EXOC4: variants seen among roughly 807,000 people sequenced by gnomAD.
EXOC4 encodes exocyst complex component 4.
EXOC4 carries 71 observed loss-of-function variants against 107.2 expected under a neutral mutation model. The ratio of observed to expected loss-of-function variants is 0.66; its 90% CI spans 0.55 to 0.81. The LOEUF is 0.81. Among genes scored for constraint, EXOC4 ranks in the 30% least tolerant of loss-of-function variants. EXOC4 has a pLI of 0.00. For synonymous variants in EXOC4, 456 were observed against 441.2 expected (o/e 1.03, Z -0.42); for missense variants, 1,108 against 1,189.6 (o/e 0.93, Z 1.01).
chr7:133,460,407 A>G (rs944490693), intron 7 of EXOC4, among the ~76,000 whole-genome samples: 1 of 152,146 alleles, frequency 6.6e-6, no homozygotes, highest in Non-Finnish European at 1.5e-5. Context: ...GAATTTTCAT[A>G]TTTACTGTAA....
intron 4 of EXOC4, among the ~76,000 whole-genome samples, chr7:133,306,875 CCTGGGTAGT>C (rs1563011369): frequency 6.6e-6 from 1 of 152,030 alleles, no homozygotes; most frequent in African/African-American, 2.4e-5. Context: ...TATTTAATGG[CCTGGGTAGT>C]CTCAAGAAAT....
intron 10 of EXOC4, among the ~76,000 whole-genome samples, chr7:133,666,222 G>A (rs1231341222): frequency 6.6e-6 from 1 of 152,166 alleles, no homozygotes; most frequent in Non-Finnish European, 1.5e-5. Context: ...ATCCTTTAAT[G>A]TCATAGCTGT....
At position 133,817,743 on chromosome 7, in the gene EXOC4, T is replaced by TAA. The variant is rs575813731; in HGVS notation, c.1734+209_1734+210dup. Among the ~76,000 whole-genome samples the TAA allele has an allele frequency of 1.6e-4, 23 of 146,358 alleles. 1 individual carries two copies. Among genetic ancestry groups the TAA allele is most frequent in the Admixed American group, 1.1e-3 (16 of 14,670 alleles). ...GTTCCTTAAGATCTTTAAGGAAAAT[T>TAA]AAAAAAAAAAACGGTTAGCTTTGGA... is the stretch of plus-strand genomic sequence containing the variant. On this transcript the variant is annotated intron_variant, in intron 11 of 17. Coordinates refer to ENST00000253861, the MANE Select transcript of EXOC4 (RefSeq NM_021807.4).
intron 9 of EXOC4, among the ~76,000 whole-genome samples, chr7:133,574,901 C>A (rs939187694): frequency 6.6e-6 from 1 of 152,176 alleles, no homozygotes; most frequent in Non-Finnish European, 1.5e-5. Context: ...AAACCTGTTA[C>A]AAACAAATTT....
At chr7:133,833,688 A>T (rs1450554869) in intron 11 of EXOC4, among the ~76,000 whole-genome samples, 1 of 152,180 alleles carries the variant, frequency 6.6e-6, no homozygotes, top group Non-Finnish European at 1.5e-5. Context: ...TCAGCCTCCC[A>T]GGTAGCTGGG....
intron 13 of EXOC4, among the ~76,000 whole-genome samples, chr7:133,935,452 T>C (rs891770329): frequency 3.9e-5 from 6 of 152,194 alleles, no homozygotes; most frequent in Non-Finnish European, 8.8e-5. Flanking sequence ...CATGGGATAA[T>C]GGATACTGGG....
At chr7:133,883,990 A>G (rs1283797792) in intron 11 of EXOC4, among the ~76,000 whole-genome samples, 3 of 152,362 alleles carry the variant, frequency 2.0e-5, no homozygotes, top group Admixed American at 6.5e-5. Context: ...ACAGCCAGCT[A>G]CAGCTTAGAG....
intron 12 of EXOC4, among the ~76,000 whole-genome samples, chr7:133,906,703 G>C (rs1799574056): frequency 6.6e-6 from 1 of 152,180 alleles, no homozygotes; most frequent in East Asian, 1.9e-4. Context: ...ACCGCTGTTT[G>C]CTGCCATCGC....
In EXOC4 at chr7:133,271,402, A is replaced by G. The variant is rs185793813; in HGVS notation, c.87-3580A>G. Among the ~76,000 whole-genome samples, 68 of 152,256 alleles carry G rather than the reference A, an allele frequency of 4.5e-4. 1 individual carries two copies. Among genetic ancestry groups the G allele is most frequent in the African/African-American group, 1.4e-3 (59 of 41,552 alleles). ...TGCATTCAATCCTTGAAGGAACCCA[A>G]TGACTTAGATTTTATTATTGTTGGG... On this transcript the variant is annotated intron_variant, in intron 1 of 17. Transcript: ENST00000253861.
intron 13 of EXOC4, among the ~76,000 whole-genome samples, chr7:133,937,125 G>A (rs1800321971): frequency 6.6e-6 from 1 of 152,100 alleles, no homozygotes; most frequent in South Asian, 2.1e-4. Context: ...TGAGCTATAT[G>A]ATCTCAGGTC....
At chr7:134,091,586 C>T in the EXOC4 span, among the ~76,000 whole-genome samples, 16 of 152,182 alleles carry the variant, frequency 1.1e-4, no homozygotes, top group Admixed American at 3.3e-4. Flanking sequence ...CCTCATTTTA[C>T]GCAGCCCTTA....
At chr7:133,467,050 A>G (rs1256331321) in intron 7 of EXOC4, among the ~76,000 whole-genome samples, 5 of 152,146 alleles carry the variant, frequency 3.3e-5, no homozygotes, top group Admixed American at 6.5e-5. Flanking sequence ...AATACCATCA[A>G]TCTTAACCTA....
chr7:133,699,816 C>G (rs1037781676), intron 10 of EXOC4, among the ~76,000 whole-genome samples: 9 of 152,166 alleles, frequency 5.9e-5, no homozygotes. Flanking sequence ...ATTGAACATT[C>G]ACTAAATGTT....
chr7:133,720,998 G>T (rs1236212870), intron 10 of EXOC4, among the ~76,000 whole-genome samples: 1 of 152,104 alleles, frequency 6.6e-6, no homozygotes, highest in Non-Finnish European at 1.5e-5. Context: ...TGGTAATTTT[G>T]CTCTATTCCT....
At chr7:133,436,904 A>G (rs1304186315) in intron 7 of EXOC4, among the ~76,000 whole-genome samples, 1 of 152,176 alleles carries the variant, frequency 6.6e-6, no homozygotes, top group Non-Finnish European at 1.5e-5. Flanking sequence ...TCCTGGAGGC[A>G]TATAATTTTA....
rs371978229 is a variant in EXOC4 at position 133,380,536 on chromosome 7, A to G, written c.1182+5534A>G. On this transcript the variant is annotated intron_variant, in intron 7 of 17. Transcript: ENST00000253861. ...CTCATATCCCACTCCCTTTACCTCT[A>G]GGCCTAGCCTGTTAGGTACTGATCT... Among the ~76,000 whole-genome samples, 10 of 152,274 alleles carry G rather than the reference A, an allele frequency of 6.6e-5. No individual in the cohort carries two copies. In the East Asian group the frequency reaches 1.3e-3, roughly 21 times the overall value.
At chr7:133,561,893 G>A (rs745945006) in intron 9 of EXOC4, among the ~76,000 whole-genome samples, 18 of 152,310 alleles carry the variant, frequency 1.2e-4, no homozygotes, top group Non-Finnish European at 2.4e-4. Flanking sequence ...CCTGCCACCC[G>A]CCACCCAGAG....
At chr7:133,274,304 T>G (rs76933368) in intron 1 of EXOC4, among the ~76,000 whole-genome samples, 46 of 152,318 alleles carry the variant, frequency 3.0e-4, no homozygotes, top group African/African-American at 1.1e-3. Context: ...CGGAAGGTGG[T>G]TCCTCAGTGT....
intron 17 of EXOC4, among the ~76,000 whole-genome samples, chr7:134,057,235 T>C (rs1795950752): frequency 6.6e-6 from 1 of 152,180 alleles, no homozygotes; most frequent in Non-Finnish European, 1.5e-5. Context: ...CCAGGCTATC[T>C]TTACCTCTTG....
Sources: gnomAD v4.1 joint callset for allele counts (sites outside exome capture counted in the v4.1 genomes callset) on GRCh38, gnomAD v4.1.1 for gene constraint, MANE v1.5 for transcripts, NCBI Gene and HGNC (gene_info 2026-07-23, HGNC 2026-07-21) for gene names.